The following KCNAB1 variants were observed in gnomAD, a reference collection of about 807,000 sequenced individuals.
KCNAB1 encodes the protein voltage-gated potassium channel subunit beta-1.
In KCNAB1, 35 loss-of-function variants were observed where a neutral mutation model predicts 64.6. The ratio of observed to expected loss-of-function variants is 0.54; its 90% CI spans 0.41 to 0.72. KCNAB1 has a LOEUF of 0.72. KCNAB1 is among the 30% of genes least tolerant of loss of function. The pLI, the probability that KCNAB1 is intolerant of heterozygous loss-of-function variation, is 0.00. For synonymous variants in KCNAB1, 177 were observed against 183.8 expected, an observed-to-expected ratio of 0.96 and a Z score of 0.30; for missense variants, 401 against 512.9, an observed-to-expected ratio of 0.78 and a Z score of 2.11.
chr3:156,201,756 C>T (rs1714343654), intron 1 of KCNAB1, among the ~76,000 whole-genome samples: 2 of 152,326 alleles, frequency 1.3e-5, no homozygotes, highest in Admixed American at 1.3e-4. Context: ...TCCATACACA[C>T]ATGAGAGGTG....
chr3:156,265,588 T>C (rs1398421532), intron 1 of KCNAB1, among the ~76,000 whole-genome samples: 1 of 152,206 alleles, frequency 6.6e-6, no homozygotes, highest in African/African-American at 2.4e-5. Flanking sequence ...ATGGGCAGGC[T>C]CACCTGCCCT....
At chr3:156,336,900 A>T (rs938142909) in intron 1 of KCNAB1, among the ~76,000 whole-genome samples, 32 of 152,250 alleles carry the variant, frequency 2.1e-4, no homozygotes, top group Non-Finnish European at 4.3e-4. Context: ...TTTGTGATAA[A>T]TGCAGATTAG....
At chr3:156,403,892 TAA>T (rs200824639) in intron 1 of KCNAB1, among the ~76,000 whole-genome samples, 1 of 136,836 alleles carries the variant, frequency 7.3e-6, no homozygotes. Context: ...AGACTCTGCC[TAA>T]AAAAAAAAAA....
chr3:156,471,651 A>T (rs1713905868), intron 7 of KCNAB1, among the ~76,000 whole-genome samples: 1 of 152,244 alleles, frequency 6.6e-6, no homozygotes, highest in African/African-American at 2.4e-5. Context: ...TTGCATGTCT[A>T]CTTAAACTTA....
chr3:156,257,028 T>A (rs1165456642), intron 1 of KCNAB1, among the ~76,000 whole-genome samples: 1 of 152,222 alleles, frequency 6.6e-6, no homozygotes, highest in Non-Finnish European at 1.5e-5. Context: ...ACCCAGCCAT[T>A]ACTAGGCCTC....
intron 1 of KCNAB1, among the ~76,000 whole-genome samples, chr3:156,292,621 G>A (rs534572378): frequency 2.6e-5 from 4 of 152,140 alleles, no homozygotes; most frequent in Non-Finnish European, 4.4e-5. Context: ...CTGTCGCCTG[G>A]GAAATAGCCT....
At chr3:156,392,004 G>A (rs933130748) in intron 1 of KCNAB1, among the ~76,000 whole-genome samples, 4 of 152,146 alleles carry the variant, frequency 2.6e-5, no homozygotes, top group Admixed American at 6.5e-5. Flanking sequence ...GAAGAGAACC[G>A]AAGTGTTCTT....
intron 2 of KCNAB1, among the ~76,000 whole-genome samples, chr3:156,431,292 AT>A (rs1389937291): frequency 6.6e-6 from 1 of 152,242 alleles, no homozygotes; most frequent in Non-Finnish European, 1.5e-5. Flanking sequence ...TTCTACATTT[AT>A]ATAAAGATTA....
intron 1 of KCNAB1, among the ~76,000 whole-genome samples, chr3:156,417,872 A>G (rs1476473849): frequency 6.6e-6 from 1 of 152,212 alleles, no homozygotes; most frequent in African/African-American, 2.4e-5. Context: ...GGGAATCACA[A>G]CCTTTGAGCT....
At chr3:156,291,835 G>T (rs1404535775) in intron 1 of KCNAB1, 2 of 1,599,214 alleles carry the variant, frequency 1.3e-6, no homozygotes, top group Admixed American at 1.7e-5. Context: ...AGAAATCCCC[G>T]CAACTGCTCA....
chr3:156,533,933 G>T (rs1718874964), intron 13 of KCNAB1, among the ~76,000 whole-genome samples: 1 of 152,136 alleles, frequency 6.6e-6, no homozygotes, highest in African/African-American at 2.4e-5. Flanking sequence ...CATTTCAGAG[G>T]AAAACTCTTG....
chr3:156,352,295 G>T (rs761161858), intron 1 of KCNAB1, among the ~76,000 whole-genome samples: 1 of 152,192 alleles, frequency 6.6e-6, no homozygotes, highest in East Asian at 1.9e-4. Context: ...TTATCTACAG[G>T]CAGGGAGGAT....
chr3:156,536,015 T>C (rs551119344), intron 13 of KCNAB1, among the ~76,000 whole-genome samples: 1 of 152,338 alleles, frequency 6.6e-6, no homozygotes, highest in East Asian at 1.9e-4. Context: ...CACTGTATAC[T>C]ATCACTCCAG....
At chr3:156,127,007 A>C (rs1713698576) in intron 1 of KCNAB1, among the ~76,000 whole-genome samples, 1 of 152,366 alleles carries the variant, frequency 6.6e-6, no homozygotes, top group Non-Finnish European at 1.5e-5. Context: ...GTGTACTCAC[A>C]CTGATACTGT....
rs1324704822 is a variant in KCNAB1, at chr3:156,188,165, C to T, written c.275+67279C>T. Among the ~76,000 whole-genome samples, 3 of 151,576 alleles carry T rather than the reference C, an allele frequency of 2.0e-5. No homozygotes were observed. In the East Asian group the frequency reaches 5.8e-4, roughly 29 times the overall value. ...TTACCTACTTGGATAAGTCTTTTCCCAGCTTCCCTTGGTAAGTTTATATTT... is the reference window on the plus strand; with the variant it reads ...TTACCTACTTGGATAAGTCTTTTCCTAGCTTCCCTTGGTAAGTTTATATTT... On this transcript the variant is annotated intron_variant, in intron 1 of 13. Transcript: ENST00000490337.
chr3:156,181,354 C>T (rs1216244146), intron 1 of KCNAB1, among the ~76,000 whole-genome samples: 2 of 152,056 alleles, frequency 1.3e-5, no homozygotes, highest in Non-Finnish European at 2.9e-5. Flanking sequence ...TTAAGTAACC[C>T]AACATGATGG....
intron 1 of KCNAB1, among the ~76,000 whole-genome samples, chr3:156,265,738 T>C (rs867319158): frequency 4.6e-5 from 7 of 152,212 alleles, no homozygotes; most frequent in Non-Finnish European, 8.8e-5. Context: ...CTCATGCCTG[T>C]AATCCCAGCA....
At chr3:156,517,384 C>T (rs1227958919) in intron 11 of KCNAB1, among the ~76,000 whole-genome samples, 2 of 152,166 alleles carry the variant, frequency 1.3e-5, no homozygotes, top group Non-Finnish European at 2.9e-5. Flanking sequence ...ATGAATACGT[C>T]CTAAAGCCTG....
chr3:156,328,275 C>G (rs1723112990), intron 1 of KCNAB1, among the ~76,000 whole-genome samples: 1 of 152,068 alleles, frequency 6.6e-6, no homozygotes, highest in Admixed American at 6.6e-5. Context: ...AGTTTGGGCT[C>G]TATTCTACAG....
Sources: allele counts gnomAD v4.1 joint callset (sites outside exome capture counted in the v4.1 genomes callset), GRCh38; gene constraint gnomAD v4.1.1; transcripts MANE v1.5; gene names NCBI Gene and HGNC (gene_info 2026-07-23, HGNC 2026-07-21).